Variants in STX18 observed in about 807,000 individuals in gnomAD.
STX18 encodes syntaxin 18, also known as syntaxin-18.
STX18 carries 40 observed loss-of-function variants against 50.1 expected under a neutral mutation model. The ratio of observed to expected loss-of-function variants is 0.80; its 90% confidence interval spans 0.62 to 1.04. The LOEUF is 1.04. Ranked by LOEUF, STX18 falls within the 50% of genes least tolerant of loss-of-function variation. The pLI is 0.00. For synonymous variants in STX18, 158 were observed against 151.8 expected (o/e 1.04, Z -0.30); for missense variants, 410 against 415.8 (o/e 0.99, Z 0.12).
rs1725911960 is a variant in STX18 at position 4,438,480 on chromosome 4, T to C, written c.527A>G (p.Lys176Arg). ...CTCAGAAGATGTGGATTCTCTTGTC[T>C]TTGTATTTGGTTCTGGTTCCAGCTT... ...LSKLEPEPNTKTRESTSSEKV... is the reference protein window; with the variant it reads ...LSKLEPEPNTRTRESTSSEKV... Residue 176 changes from lysine (K) to arginine (R), a missense_variant, in exon 6 of 11, where the codon AAG becomes AGG. Coordinates refer to ENST00000306200, the MANE Select transcript of STX18 (RefSeq NM_016930.4). 1.2e-6 allele frequency: 2 copies of C among 1,613,612 alleles called. No individual in the cohort carries two copies. The highest frequency in any genetic ancestry group is 1.7e-5 in the Admixed American group (1 of 59,954).
intron 1 of STX18, among the ~76,000 whole-genome samples, chr4:4,498,826 GA>G (rs1729310380): frequency 6.6e-6 from 1 of 152,162 alleles, no homozygotes; most frequent in Admixed American, 6.5e-5. Context: ...GACAACGAAA[GA>G]AACTAAACAC....
At chr4:4,433,692 G>A (rs970295249) in intron 7 of STX18, among the ~76,000 whole-genome samples, 8 of 152,140 alleles carry the variant, frequency 5.3e-5, no homozygotes, top group South Asian at 2.1e-4. Context: ...TGGGGTTGCC[G>A]GGTCTGTCTG....
At chr4:4,496,230 TGGTAA>T (rs1030347011) in intron 1 of STX18, among the ~76,000 whole-genome samples, 86 of 152,178 alleles carry the variant, frequency 5.7e-4, no homozygotes, top group Middle Eastern at 3.4e-3. Context: ...GCAACGCCAG[TGGTAA>T]GGTAACAGAG....
intron 5 of STX18, among the ~76,000 whole-genome samples, chr4:4,453,415 T>C (rs1003863581): frequency 6.6e-6 from 1 of 152,168 alleles, no homozygotes; most frequent in Non-Finnish European, 1.5e-5. Flanking sequence ...AACAAAAAGA[T>C]TACAACTCAC....
At chr4:4,498,115 C>G (rs995828454) in intron 1 of STX18, among the ~76,000 whole-genome samples, 1 of 152,160 alleles carries the variant, frequency 6.6e-6, no homozygotes, top group Non-Finnish European at 1.5e-5. Flanking sequence ...TCATCCTTTT[C>G]TAGATAAGGG....
chr4:4,456,927 G>A (rs928986248), intron 5 of STX18, among the ~76,000 whole-genome samples: 1 of 152,162 alleles, frequency 6.6e-6, no homozygotes, highest in African/African-American at 2.4e-5. Context: ...TCTAGGGTGA[G>A]TGGCCAAGCC....
chr4:4,541,752 G>A (rs1272798230), intron 1 of STX18, 45 bp downstream of exon 1: 2 of 1,571,878 alleles, frequency 1.3e-6, no homozygotes, highest in South Asian at 1.2e-5. Flanking sequence ...CCTGTCGCAG[G>A]ACTGCCCCCT....
chr4:4,482,165 A>C (rs1015455465), intron 1 of STX18, among the ~76,000 whole-genome samples: 4 of 152,058 alleles, frequency 2.6e-5, no homozygotes. Context: ...GCCTTTGTTA[A>C]TCTCTGAAAC....
intron 1 of STX18, among the ~76,000 whole-genome samples, chr4:4,496,282 C>T (rs892379459): frequency 3.9e-5 from 6 of 152,124 alleles, no homozygotes; most frequent in African/African-American, 7.2e-5. Context: ...ACCCAAAAAT[C>T]GCTGAGGCTC....
At chr4:4,424,559 A>G (rs1725146979) in intron 8 of STX18, among the ~76,000 whole-genome samples, 1 of 152,142 alleles carries the variant, frequency 6.6e-6, no homozygotes, top group Non-Finnish European at 1.5e-5. Flanking sequence ...TACACTGAGA[A>G]AGTCCTCAGG....
At chr4:4,475,035 A>G (rs900038459) in intron 1 of STX18, among the ~76,000 whole-genome samples, 2 of 152,224 alleles carry the variant, frequency 1.3e-5, no homozygotes, top group African/African-American at 4.8e-5. Context: ...AGTGCAGAGG[A>G]ATCTACTGTA....
chr4:4,515,955 G>A (rs1286030379), intron 1 of STX18, among the ~76,000 whole-genome samples: 2 of 152,132 alleles, frequency 1.3e-5, no homozygotes, highest in African/African-American at 4.8e-5. Flanking sequence ...CTTTTGTGAT[G>A]AGAAAAGGCA....
intron 1 of STX18, among the ~76,000 whole-genome samples, chr4:4,479,206 C>G (rs1477306566): frequency 6.6e-6 from 1 of 152,204 alleles, no homozygotes; most frequent in East Asian, 1.9e-4. Flanking sequence ...CTTCTCCTAA[C>G]AATCCCTTAG....
chr4:4,462,040 G>A, intron 2 of STX18: 1 of 451,758 alleles, frequency 2.2e-6, no homozygotes, highest in Admixed American at 2.4e-5. Context: ...CAAGAGCAGA[G>A]TATCAACAAG....
chr4:4,537,108 T>A (rs1190398610), intron 1 of STX18, among the ~76,000 whole-genome samples: 1 of 152,192 alleles, frequency 6.6e-6, no homozygotes, highest in African/African-American at 2.4e-5. Context: ...CTTGCTTACC[T>A]GTGTGGTAGC....
intron 1 of STX18, among the ~76,000 whole-genome samples, chr4:4,511,740 GTGTGTGTGTGTGTGTGTGTGTA>G (rs1234158360): frequency 8.6e-5 from 13 of 150,928 alleles, no homozygotes; most frequent in African/African-American, 2.9e-4. Flanking sequence ...GTGTGTGTGT[GTGTGTGTGTGTGTGTGTGTGTA>G]TGCCCCTAGG....
intron 5 of STX18, among the ~76,000 whole-genome samples, chr4:4,452,669 C>T (rs62289811): frequency 0.046 from 7,006 of 152,222 alleles, 196 homozygotes; most frequent in African/African-American, 0.082. Context: ...CACTCCAGCC[C>T]GGGTGGCAGA....
chr4:4,495,180 T>C (rs146796621), intron 1 of STX18, among the ~76,000 whole-genome samples: 207 of 152,292 alleles, frequency 1.4e-3, no homozygotes, highest in Non-Finnish European at 2.5e-3. Flanking sequence ...AGGAAAGATA[T>C]AGTACATGCC....
chr4:4,533,231 T>C (rs1731180204), intron 1 of STX18, among the ~76,000 whole-genome samples: 1 of 152,198 alleles, frequency 6.6e-6, no homozygotes, highest in South Asian at 2.1e-4. Context: ...AAGTCAATAT[T>C]AAATGTAATA....
Sources: allele counts gnomAD v4.1 joint callset (sites outside exome capture counted in the v4.1 genomes callset), GRCh38; gene constraint gnomAD v4.1.1; transcripts MANE v1.5; gene names NCBI Gene and HGNC (gene_info 2026-07-23, HGNC 2026-07-21).